Variants in ZNF385D observed in about 807,000 individuals in gnomAD.
ZNF385D encodes zinc finger protein 659.
In ZNF385D, 15 loss-of-function variants were observed where a neutral mutation model predicts 35.8. That is an observed-to-expected ratio of 0.42 (90% confidence interval 0.28 to 0.64). ZNF385D has a LOEUF of 0.64. Among genes scored for constraint, ZNF385D ranks in the 30% least tolerant of loss-of-function variants. ZNF385D has a pLI of 0.23. For synonymous variants in ZNF385D, 212 were observed against 186.8 expected, an observed-to-expected ratio of 1.13 and a Z score of -1.10; for missense variants, 474 against 494.6, an observed-to-expected ratio of 0.96 and a Z score of 0.39.
chr3:22,029,438 G>C (rs1697780414), intron 3 of ZNF385D, among the ~76,000 whole-genome samples: 1 of 152,160 alleles, frequency 6.6e-6, no homozygotes, highest in African/African-American at 2.4e-5. Flanking sequence ...GTTTACTCCA[G>C]CAGGAAAAAA....
At chr3:22,220,724 G>C (rs1165155602) in intron 2 of ZNF385D, among the ~76,000 whole-genome samples, 2 of 152,128 alleles carry the variant, frequency 1.3e-5, no homozygotes, top group Non-Finnish European at 2.9e-5. Flanking sequence ...CTCATTCAAT[G>C]TTACATTCCT....
chr3:21,511,509 C>T (rs777530336), intron 3 of ZNF385D: 2 of 361,778 alleles, frequency 5.5e-6, no homozygotes, highest in Admixed American at 3.7e-5. Flanking sequence ...GGGAAGTAAG[C>T]ACCCTGGAGA....
intron 2 of ZNF385D, among the ~76,000 whole-genome samples, chr3:22,240,797 T>C (rs1699452610): frequency 6.6e-6 from 1 of 151,080 alleles, no homozygotes; most frequent in Admixed American, 6.6e-5. Flanking sequence ...AAGGCTTCAA[T>C]AAACAGCTAG....
intron 3 of ZNF385D, among the ~76,000 whole-genome samples, chr3:21,757,454 T>A: frequency 6.6e-6 from 1 of 152,150 alleles, no homozygotes; most frequent in East Asian, 1.9e-4. Context: ...AAATTTATTA[T>A]ATATGTGACT....
At chr3:21,847,090 C>T (rs1010314201) in intron 3 of ZNF385D, among the ~76,000 whole-genome samples, 6 of 151,962 alleles carry the variant, frequency 3.9e-5, no homozygotes, top group African/African-American at 1.4e-4. Flanking sequence ...AATTCTAATC[C>T]CCTACCAGCT....
At chr3:21,487,552 A>G (rs924644385) in intron 4 of ZNF385D, among the ~76,000 whole-genome samples, 8 of 152,106 alleles carry the variant, frequency 5.3e-5, no homozygotes, top group South Asian at 2.1e-4. Context: ...CACACACCAT[A>G]TAATATACTC....
At chr3:21,634,331 G>T (rs2065365082) in intron 2 of ZNF385D, among the ~76,000 whole-genome samples, 1 of 150,202 alleles carries the variant, frequency 6.7e-6, no homozygotes, top group South Asian at 2.1e-4. Flanking sequence ...AAAGAGGAAG[G>T]AAGGGAGAGA....
chr3:21,424,541 T>C (rs1175568666), intron 6 of ZNF385D, among the ~76,000 whole-genome samples: 1 of 150,552 alleles, frequency 6.6e-6, no homozygotes, highest in East Asian at 2.0e-4. Context: ...TCTTGAACTC[T>C]TGACCTCTTG....
intron 3 of ZNF385D, among the ~76,000 whole-genome samples, chr3:21,992,612 G>A (rs1416011494): frequency 6.6e-6 from 1 of 152,118 alleles, no homozygotes; most frequent in African/African-American, 2.4e-5. Context: ...ATGAAGATAT[G>A]ACAAGAAAAA....
rs374011956 is a variant in ZNF385D at position 21,422,731 on chromosome 3, A to G, written c.954+1232T>C. Among the ~76,000 whole-genome samples, 3 of 152,352 alleles carry G rather than the reference A, an allele frequency of 2.0e-5. No individual in the cohort carries two copies. The East Asian group carries it at 5.8e-4, about 29-fold the overall frequency. The stretch of plus-strand genomic sequence containing the variant: ...ATTCATCACGTAAACAGAACTAAAG[A>G]CAAAAACACATGATTATCTCAATGG... On this transcript the variant is annotated intron_variant, in intron 7 of 7. Coordinates refer to ENST00000281523, the MANE Select transcript of ZNF385D (RefSeq NM_024697.3).
chr3:21,946,714 G>C (rs1684485), intron 3 of ZNF385D, among the ~76,000 whole-genome samples: 131,458 of 151,926 alleles, frequency 0.87, 57,113 homozygotes, highest in East Asian at 0.98. Context: ...CACCTGTAAT[G>C]CCAGCTACTA....
intron 3 of ZNF385D, among the ~76,000 whole-genome samples, chr3:21,969,301 T>C (rs1431085395): frequency 1.3e-5 from 2 of 151,930 alleles, no homozygotes; most frequent in Non-Finnish European, 2.9e-5. Flanking sequence ...AAAGACCAGG[T>C]GGAGGTAATT....
chr3:22,315,684 G>A (rs1028082726), intron 2 of ZNF385D, among the ~76,000 whole-genome samples: 2 of 152,188 alleles, frequency 1.3e-5, no homozygotes, highest in East Asian at 3.9e-4. Context: ...TGCGACAGAA[G>A]TCTACCATGG....
Position 21,985,390 on chromosome 3 carries a change from T to C in ZNF385D, c.325+183427A>G, listed in dbSNP as rs955761042. 4.3e-5 allele frequency among the ~76,000 whole-genome samples: 5 copies of C among 117,554 alleles called. 1 individual carries two copies. Among genetic ancestry groups the C allele is most frequent in the Admixed American group, 7.7e-5 (1 of 12,928 alleles). The allele number at this position is 117,554 out of a possible 152,430, so 77.1% of individuals were successfully genotyped here. Reference sequence around the variant, plus strand: ...TTTTAGCATGAAGGGTTGTTGAATTTTGTCAAAGGCTTTTTCTGCATCTAT... The same window carrying C: ...TTTTAGCATGAAGGGTTGTTGAATTCTGTCAAAGGCTTTTTCTGCATCTAT... On this transcript the variant is annotated intron_variant, in intron 3 of 5. Coordinates refer to the ZNF385D transcript ENST00000494108.
chr3:21,714,657 T>G (rs528927793), intron 1 of ZNF385D, among the ~76,000 whole-genome samples: 10 of 152,308 alleles, frequency 6.6e-5, no homozygotes, highest in African/African-American at 2.4e-4. Context: ...CATGTATTAT[T>G]TCTCCAATCT....
At chr3:21,950,184 G>A (rs1438460716) in intron 3 of ZNF385D, among the ~76,000 whole-genome samples, 1 of 151,792 alleles carries the variant, frequency 6.6e-6, no homozygotes, top group South Asian at 2.1e-4. Context: ...CAGTGTAAAA[G>A]TGTTCCTGTT....
rs139567417 is a variant in ZNF385D, at chr3:22,116,577, C to T, written c.325+52240G>A. Among the ~76,000 whole-genome samples, 328 of 152,022 alleles carry T rather than the reference C, an allele frequency of 2.2e-3. 1 individual carries two copies. The highest frequency in any genetic ancestry group is 7.2e-3 in the African/African-American group (299 of 41,494). ...AGAAGATATAAAGAAATGTGAGAGA[C>T]GAAATTACACAAAATTTCTTAGAAC... On this transcript the variant is annotated intron_variant, in intron 3 of 5. Coordinates refer to the ZNF385D transcript ENST00000494108.
intron 3 of ZNF385D, among the ~76,000 whole-genome samples, chr3:21,899,001 A>G (rs1418383503): frequency 1.3e-5 from 2 of 152,136 alleles, no homozygotes; most frequent in Non-Finnish European, 2.9e-5. Context: ...ATGAGATTAT[A>G]ATATTCACAT....
chr3:21,510,145 C>A (rs796887469), intron 4 of ZNF385D, among the ~76,000 whole-genome samples: 13 of 152,218 alleles, frequency 8.5e-5, no homozygotes, highest in African/African-American at 2.4e-4. Flanking sequence ...GGAATATTTT[C>A]TCTGTAGATT....
Sources: allele counts gnomAD v4.1 joint callset (sites outside exome capture counted in the v4.1 genomes callset), GRCh38; gene constraint gnomAD v4.1.1; transcripts MANE v1.5; gene names NCBI Gene and HGNC (gene_info 2026-07-23, HGNC 2026-07-21).